SIRT1: variants seen among roughly 807,000 people sequenced by gnomAD.
SIRT1 encodes the protein NAD-dependent protein deacetylase sirtuin-1.
A neutral mutation model predicts 67.9 loss-of-function variants in SIRT1; 24 were observed. The ratio of observed to expected loss-of-function variants is 0.35; its 90% CI spans 0.26 to 0.50. SIRT1 has a LOEUF of 0.50. Ranked by LOEUF, SIRT1 falls within the 20% of genes least tolerant of loss-of-function variation. The probability of loss-of-function intolerance (pLI) is 0.98; values close to 1 mark genes in which losing one functional copy is unlikely to be tolerated. For synonymous variants in SIRT1, 378 were observed against 350.7 expected, an observed-to-expected ratio of 1.08 and a Z score of -0.87; for missense variants, 873 against 937.2, an observed-to-expected ratio of 0.93 and a Z score of 0.89.
chr10:67,886,526 AG>A (rs1842483369), intron 1 of SIRT1, among the ~76,000 whole-genome samples: 1 of 147,834 alleles, frequency 6.8e-6, no homozygotes, highest in Non-Finnish European at 1.5e-5. Flanking sequence ...ACTGCACTCC[AG>A]GGTGGGCAAC....
intron 4 of SIRT1, among the ~76,000 whole-genome samples, chr10:67,893,179 G>T (rs7904945): frequency 6.6e-6 from 1 of 152,010 alleles, no homozygotes; most frequent in Non-Finnish European, 1.5e-5. Flanking sequence ...TGCAGAATGC[G>T]CAGATTTGTT....
intron 8 of SIRT1, among the ~76,000 whole-genome samples, chr10:67,915,120 T>G (rs1011238265): frequency 6.6e-6 from 1 of 151,968 alleles, no homozygotes; most frequent in African/African-American, 2.4e-5. Context: ...CTGTGAAATT[T>G]TAGGGATTCA....
At position 67,916,744 on chromosome 10, in the gene SIRT1, A is replaced by C; in HGVS notation, c.*151A>C. 1.9e-6 allele frequency: 1 copy of C among 531,270 alleles called. No homozygotes were observed. Among genetic ancestry groups the C allele is most frequent in the Non-Finnish European group, 3.2e-6 (1 of 317,056 alleles). The allele number at this position is 531,270 out of a possible 1,614,324, so 32.9% of individuals were successfully genotyped here. ...GTAAAATAGATTGTTTTTCATGGATAATTTTTAACTTCATTATTTCTGTAC... is the reference window on the plus strand; with the variant it reads ...GTAAAATAGATTGTTTTTCATGGATCATTTTTAACTTCATTATTTCTGTAC... On this transcript the variant is annotated 3_prime_UTR_variant, in exon 9 of 9. Coordinates refer to ENST00000212015, the MANE Select transcript of SIRT1 (RefSeq NM_012238.5).
At chr10:67,896,787 A>T (rs1002172833) in intron 4 of SIRT1, among the ~76,000 whole-genome samples, 7 of 146,876 alleles carry the variant, frequency 4.8e-5, no homozygotes, top group Non-Finnish European at 1.0e-4. Flanking sequence ...AAAAAAAAAA[A>T]TTCGCTGGTC....
chr10:67,890,770 C>T (rs1842558122), intron 3 of SIRT1, among the ~76,000 whole-genome samples: 1 of 151,868 alleles, frequency 6.6e-6, no homozygotes, highest in Non-Finnish European at 1.5e-5. Context: ...GTGGCTCACA[C>T]CTGTAATCCC....
chr10:67,906,984 A>G (rs1359017243), intron 5 of SIRT1, 47 bp downstream of exon 5: 2 of 1,480,002 alleles, frequency 1.4e-6, no homozygotes, highest in East Asian at 5.1e-5. Flanking sequence ...TTAGTTTTAT[A>G]GGAAGATATT....
chr10:67,887,374 C>G, intron 1 of SIRT1, 43 bp from the exon 2 acceptor site: 1 of 1,202,536 alleles, frequency 8.3e-7, no homozygotes, highest in Non-Finnish European at 1.2e-6. Context: ...ATTTTAGGTG[C>G]ATGTTGTTTT....
chr10:67,885,679 T>C (rs565038879), intron 1 of SIRT1, among the ~76,000 whole-genome samples: 79 of 152,130 alleles, frequency 5.2e-4, no homozygotes, highest in Non-Finnish European at 9.6e-4. Context: ...GAAAGCTGTT[T>C]CTATAGTCAC....
intron 5 of SIRT1, 133 bp downstream of exon 5, chr10:67,907,070 T>C: frequency 6.3e-6 from 5 of 796,270 alleles, no homozygotes. Context: ...ATCGATAACC[T>C]CAGAAAAGTA....
chr10:67,886,166 T>C (rs1200902508), intron 1 of SIRT1, among the ~76,000 whole-genome samples: 2 of 151,816 alleles, frequency 1.3e-5, no homozygotes, highest in African/African-American at 2.4e-5. Flanking sequence ...TGGTCTTGAT[T>C]TCTTGACTTC....
In SIRT1 at chr10:67,913,047, G is replaced by A. The variant is rs184260387; in HGVS notation, c.1915+16G>A. 143 of 1,574,698 alleles carry A rather than the reference G, an allele frequency of 9.1e-5. No homozygotes were observed. In the African/African-American group the frequency reaches 1.5e-3, roughly 16 times the overall value. ...CGGCTTGATGGTAAGAAAGGCAGTC[G>A]GACCATTTTGAAAGTATAAATGTCA... On this transcript the variant is annotated intron_variant, in intron 8 of 8. Transcript: ENST00000212015.
intron 7 of SIRT1, among the ~76,000 whole-genome samples, chr10:67,910,459 T>TA (rs1418351971): frequency 1.3e-5 from 2 of 152,316 alleles, no homozygotes; most frequent in South Asian, 2.1e-4. Flanking sequence ...GAGTTCAACT[T>TA]AGACTTTTTG....
intron 1 of SIRT1, among the ~76,000 whole-genome samples, chr10:67,886,297 C>G (rs1200698695): frequency 2.7e-5 from 4 of 150,078 alleles, no homozygotes; most frequent in Non-Finnish European, 4.4e-5. Context: ...TCATCTTTAT[C>G]AATATTTGGG....
intron 1 of SIRT1, chr10:67,885,357 C>G: frequency 8.1e-7 from 1 of 1,234,052 alleles, no homozygotes; most frequent in Non-Finnish European, 1.0e-6. Flanking sequence ...TTTCCTCCGT[C>G]CGTGGCCCGC....
Position 67,917,845 on chromosome 10 carries a change from T to G in SIRT1, c.*1252T>G, listed in dbSNP as rs2029970872. 6.6e-6 allele frequency: 1 copy of G among 152,616 alleles called. No individual in the cohort carries two copies. The highest frequency in any genetic ancestry group is 2.4e-5 in the African/African-American group (1 of 41,468). The allele number at this position is 152,616 out of a possible 1,614,324, so 9.5% of individuals were successfully genotyped here. A position where few individuals can be genotyped will look rare whatever the true frequency, so the allele number is the denominator to read the frequency against. On this transcript the variant is annotated 3_prime_UTR_variant, in exon 9 of 9. Coordinates refer to ENST00000212015, the MANE Select transcript of SIRT1 (RefSeq NM_012238.5). ...ATCAACTTTCTCAGCTGCAAAAGCT[T>G]CTAGTCTTTCAAGAAGTTCATACTT...
intron 3 of SIRT1, among the ~76,000 whole-genome samples, chr10:67,890,572 C>G (rs1398026298): frequency 6.6e-6 from 1 of 151,586 alleles, no homozygotes; most frequent in Admixed American, 6.6e-5. Context: ...TAGACCCTGA[C>G]TCTACAAAAA....
Position 67,916,806 on chromosome 10 carries a change from A to ATTTT in SIRT1, c.*213_*214insTTTT, listed in dbSNP as rs1271172273. 3 of 322,614 alleles carry ATTTT rather than the reference A, an allele frequency of 9.3e-6. No individual in the cohort carries two copies. Among genetic ancestry groups the ATTTT allele is most frequent in the African/African-American group, 6.3e-5 (3 of 47,580 alleles). 20.0% of individuals were successfully genotyped at this position (322,614 alleles called of 1,614,324 possible). A position where few individuals can be genotyped will look rare whatever the true frequency, so the allele number is the denominator to read the frequency against. ...CAACACTAACTTTTTTTTTTTTAAA[A>ATTTT]AAAAAAAGGTACTAAGTATCTTCAA... On this transcript the variant is annotated 3_prime_UTR_variant, in exon 9 of 9. Transcript: ENST00000212015.
chr10:67,899,510 T>A (rs989104046), intron 4 of SIRT1, among the ~76,000 whole-genome samples: 2 of 151,742 alleles, frequency 1.3e-5, no homozygotes, highest in Non-Finnish European at 2.9e-5. Context: ...GAAAAAAAAT[T>A]TGTGTTGGGA....
intron 2 of SIRT1, among the ~76,000 whole-genome samples, chr10:67,888,244 T>C (rs1373069544): frequency 6.6e-6 from 1 of 152,234 alleles, no homozygotes; most frequent in African/African-American, 2.4e-5. Flanking sequence ...TTCTCACTCT[T>C]ACAAATGGCT....
Sources: allele counts gnomAD v4.1 joint callset (sites outside exome capture counted in the v4.1 genomes callset), GRCh38; gene constraint gnomAD v4.1.1; transcripts MANE v1.5; gene names NCBI Gene and HGNC (gene_info 2026-07-23, HGNC 2026-07-21).